Variants in PCNX2 observed in about 807,000 individuals in gnomAD.
PCNX2 encodes pecanex-like protein 2.
A neutral mutation model predicts 223.8 loss-of-function variants in PCNX2; 168 were observed. That is an observed-to-expected ratio of 0.75 (90% CI 0.66 to 0.85). The LOEUF (loss-of-function observed/expected upper bound fraction) is 0.85. Ranked by LOEUF, PCNX2 falls within the 40% of genes least tolerant of loss-of-function variation. The pLI is 0.00. For missense variants in PCNX2, 2,507 were observed against 2,675.5 expected, an observed-to-expected ratio of 0.94 and a Z score of 1.39; for synonymous variants, 1,006 against 1,052.6, an observed-to-expected ratio of 0.96 and a Z score of 0.86.
chr1:233,111,091 A>G (rs986216999), intron 21 of PCNX2, among the ~76,000 whole-genome samples: 4 of 152,182 alleles, frequency 2.6e-5, no homozygotes, highest in African/African-American at 2.4e-5. Context: ...AGAGACTCTT[A>G]AAATATTTGG....
Position 233,258,734 on chromosome 1 carries a change from A to T in PCNX2, c.1128T>A (p.Ile376=), listed in dbSNP as rs769330441. ...DPLSLHEPIK[I]VITMSSTPNS... is the part of the protein sequence containing the mutation. ...TTGGGGTACTGCTCATCGTGATAAC[A>T]ATTTTTATGGGCTCATGTAGACTCA... The change falls in exon 5 of 34, where the codon ATT becomes ATA. Residue 376 remains isoleucine, a synonymous_variant. Coordinates refer to ENST00000258229, the MANE Select transcript of PCNX2 (RefSeq NM_014801.4). 2 of 1,613,816 alleles carry T rather than the reference A, an allele frequency of 1.2e-6. No individual in the cohort carries two copies.
chr1:233,327,245 A>G, the PCNX2 span, among the ~76,000 whole-genome samples: 1 of 150,964 alleles, frequency 6.6e-6, no homozygotes, highest in South Asian at 2.1e-4. Flanking sequence ...CTTAATTTAA[A>G]CTCTCCCGAA....
At chr1:233,158,226 T>C (rs1678246946) in intron 19 of PCNX2, among the ~76,000 whole-genome samples, 2 of 152,204 alleles carry the variant, frequency 1.3e-5, no homozygotes, top group Admixed American at 1.3e-4. Flanking sequence ...TCTTTCACTG[T>C]TGAATTCTAC....
At chr1:233,273,206 A>G (rs1208873065) in intron 1 of PCNX2, among the ~76,000 whole-genome samples, 1 of 152,080 alleles carries the variant, frequency 6.6e-6, no homozygotes, top group Non-Finnish European at 1.5e-5. Flanking sequence ...TTAAAAATAA[A>G]ATATTAAAAT....
chr1:233,208,166 C>T (rs566591196), intron 13 of PCNX2, among the ~76,000 whole-genome samples: 24 of 152,140 alleles, frequency 1.6e-4, no homozygotes, highest in Non-Finnish European at 2.9e-4. Context: ...ACCATGTTGG[C>T]CAGGCTGGTC....
intron 13 of PCNX2, among the ~76,000 whole-genome samples, chr1:233,207,888 C>A (rs1681570797): frequency 1.3e-5 from 2 of 152,110 alleles, no homozygotes; most frequent in Admixed American, 1.3e-4. Context: ...CGTGCCCATT[C>A]ATGCTGCTAC....
intron 25 of PCNX2, chr1:233,025,629 C>T (rs1671057401): frequency 1.0e-5 from 6 of 577,042 alleles, no homozygotes; most frequent in African/African-American, 3.7e-5. Context: ...TATATTTAAA[C>T]GATTTAAAAA....
At chr1:232,986,614 G>T in intron 32 of PCNX2, 74 bp from the exon 33 acceptor site, 1 of 1,349,660 alleles carries the variant, frequency 7.4e-7, no homozygotes, top group Non-Finnish European at 9.8e-7. Flanking sequence ...TGCAGCAGGT[G>T]GCCTGCTCTG....
intron 17 of PCNX2, among the ~76,000 whole-genome samples, chr1:233,171,267 C>A (rs1679138111): frequency 6.6e-6 from 1 of 151,938 alleles, no homozygotes; most frequent in African/African-American, 2.4e-5. Context: ...TGTTCACTTG[C>A]AAATCAGATC....
intron 20 of PCNX2, among the ~76,000 whole-genome samples, chr1:233,136,398 T>G (rs1676802765): frequency 6.6e-6 from 1 of 152,200 alleles, no homozygotes; most frequent in Non-Finnish European, 1.5e-5. Flanking sequence ...AATTGTCATT[T>G]TTGTCATAAA....
At chr1:233,060,196 C>T (rs1672352227) in intron 23 of PCNX2, among the ~76,000 whole-genome samples, 2 of 152,138 alleles carry the variant, frequency 1.3e-5, no homozygotes, top group African/African-American at 2.4e-5. Context: ...CTCAGGGTAG[C>T]AGAAAATCCA....
chr1:233,070,233 C>CA (rs1672794690), intron 23 of PCNX2, among the ~76,000 whole-genome samples: 1 of 152,040 alleles, frequency 6.6e-6, no homozygotes, highest in African/African-American at 2.4e-5. Flanking sequence ...AAACTCCCCC[C>CA]AAAATGAATC....
chr1:233,061,851 T>C (rs920516943), intron 23 of PCNX2, among the ~76,000 whole-genome samples: 4 of 152,010 alleles, frequency 2.6e-5, no homozygotes, highest in African/African-American at 7.2e-5. Context: ...CTCCGCCTCC[T>C]GGGTTCAAGC....
At chr1:233,113,562 T>C (rs1011727922) in intron 21 of PCNX2, among the ~76,000 whole-genome samples, 7 of 152,218 alleles carry the variant, frequency 4.6e-5, no homozygotes, top group African/African-American at 1.4e-4. Context: ...TGCTGAGTAA[T>C]TATTACGAGC....
intron 15 of PCNX2, among the ~76,000 whole-genome samples, chr1:233,188,235 T>C (rs961456370): frequency 2.0e-5 from 3 of 152,114 alleles, no homozygotes; most frequent in African/African-American, 7.2e-5. Context: ...TGCTCACTGG[T>C]GGTAGGCAGA....
At chr1:233,275,038 T>C (rs566159523) in intron 1 of PCNX2, among the ~76,000 whole-genome samples, 3 of 152,362 alleles carry the variant, frequency 2.0e-5, no homozygotes, top group Admixed American at 6.5e-5. Flanking sequence ...ATGCACACTG[T>C]GAAACATATA....
chr1:233,033,095 G>A lies in PCNX2; in HGVS notation c.4352-7696C>T, dbSNP rs541053668. 1.3e-5 allele frequency: 13 copies of A among 985,356 alleles called. No homozygotes were observed. In the South Asian group the frequency reaches 4.2e-4, roughly 32 times the overall value. 61.0% of individuals were successfully genotyped at this position (985,356 alleles called of 1,614,324 possible). On this transcript the variant is annotated intron_variant, in intron 25 of 33. Transcript: ENST00000258229. ...ACACAGTGTGACCTTTCGAAGCCCC[G>A]GCAGAGATGAATGTCAAGCTGGCAA...
chr1:233,251,145 T>C (rs1010300998), intron 7 of PCNX2, among the ~76,000 whole-genome samples: 32 of 152,332 alleles, frequency 2.1e-4, no homozygotes, highest in African/African-American at 7.7e-4. Flanking sequence ...CTTAATTCAC[T>C]TTACATACGT....
chr1:233,210,422 C>T, intron 12 of PCNX2: 1 of 176,928 alleles, frequency 5.7e-6, no homozygotes, highest in Non-Finnish European at 1.1e-5. Context: ...GGACTACAGG[C>T]ACCCGCCACC....
Sources: allele counts gnomAD v4.1 joint callset (sites outside exome capture counted in the v4.1 genomes callset), GRCh38; gene constraint gnomAD v4.1.1; transcripts MANE v1.5; gene names NCBI Gene and HGNC (gene_info 2026-07-23, HGNC 2026-07-21).